OCA2: variants seen among roughly 807,000 people sequenced by gnomAD.
The protein encoded by OCA2 is OCA2 melanosomal transmembrane protein, also known as P protein.
In OCA2, 77 loss-of-function variants were observed where a neutral mutation model predicts 100.2. The observed-to-expected ratio is 0.77, with a 90% CI of 0.64 to 0.93. The LOEUF (loss-of-function observed/expected upper bound fraction) is 0.93. Ranked by LOEUF, OCA2 falls within the 40% of genes least tolerant of loss-of-function variation. The probability of loss-of-function intolerance (pLI) is 0.00; values close to 1 mark genes in which losing one functional copy is unlikely to be tolerated. For synonymous variants in OCA2, 432 were observed against 439.2 expected, an observed-to-expected ratio of 0.98 and a Z score of 0.21; for missense variants, 1,062 against 1,089.1, an observed-to-expected ratio of 0.98 and a Z score of 0.35.
At chr15:27,730,674 A>G in the OCA2 span, among the ~76,000 whole-genome samples, 1 of 147,312 alleles carries the variant, frequency 6.8e-6, no homozygotes, top group Non-Finnish European at 1.5e-5. Flanking sequence ...CACTGTTAAC[A>G]CTCTCCAGAT....
chr15:27,835,652 T>C (rs2035120763), intron 23 of OCA2, among the ~76,000 whole-genome samples: 1 of 152,250 alleles, frequency 6.6e-6, no homozygotes, highest in South Asian at 2.1e-4. Context: ...ACCAGGGCCT[T>C]CCCCTTGGCT....
In OCA2 at chr15:27,824,602, C is replaced by CTCTCTCTCTCTCTCTCTCTCTCTA; in HGVS notation, c.2432+20356_2432+20357insTAGAGAGAGAGAGAGAGAGAGAGA. On this transcript the variant is annotated intron_variant, in intron 23 of 23. Coordinates refer to ENST00000354638, the MANE Select transcript of OCA2 (RefSeq NM_000275.3). ...TTTCTCTCTCTCTCTCTCTCTCTCT[C>CTCTCTCTCTCTCTCTCTCTCTCTA]TATATATATATATATATATAATATA... Among the ~76,000 whole-genome samples, 390 of 47,528 alleles carry CTCTCTCTCTCTCTCTCTCTCTCTA rather than the reference C, an allele frequency of 8.2e-3. 6 individuals carry two copies. The highest frequency in any genetic ancestry group is 8.8e-3 in the Non-Finnish European group (281 of 31,758). The allele number at this position is 47,528 out of a possible 152,430, so 31.2% of individuals were successfully genotyped here.
chr15:27,866,100 C>G (rs1459000357), intron 21 of OCA2, among the ~76,000 whole-genome samples: 3 of 152,224 alleles, frequency 2.0e-5, no homozygotes, highest in Non-Finnish European at 2.9e-5. Flanking sequence ...TACCTCCACC[C>G]AGAGGGCAGG....
At chr15:28,082,330 T>G (rs1001775836) in intron 1 of OCA2, among the ~76,000 whole-genome samples, 1 of 152,174 alleles carries the variant, frequency 6.6e-6, no homozygotes, top group South Asian at 2.1e-4. Context: ...TGTGGATACT[T>G]TCGATGTTTT....
intron 18 of OCA2, among the ~76,000 whole-genome samples, chr15:27,933,262 T>C (rs2039322888): frequency 6.6e-6 from 1 of 152,096 alleles, no homozygotes. Context: ...TATATTGGAC[T>C]TGGCAGTGAT....
At chr15:27,974,998 C>T (rs1479264834) in intron 14 of OCA2, among the ~76,000 whole-genome samples, 3 of 152,146 alleles carry the variant, frequency 2.0e-5, no homozygotes, top group Non-Finnish European at 4.4e-5. Context: ...TAAAAAGGCT[C>T]GTCATATGCC....
intron 18 of OCA2, among the ~76,000 whole-genome samples, chr15:27,941,011 A>G (rs537592332): frequency 1.3e-5 from 2 of 152,342 alleles, no homozygotes; most frequent in African/African-American, 2.4e-5. Context: ...CTGCAAAGTT[A>G]GGGATATCCT....
intron 9 of OCA2, among the ~76,000 whole-genome samples, chr15:28,004,488 GACAC>G (rs371729775): frequency 6.6e-6 from 1 of 152,008 alleles, no homozygotes; most frequent in Non-Finnish European, 1.5e-5. Flanking sequence ...CCCACACACA[GACAC>G]ACACACAGTC....
At chr15:28,026,572 CGA>C (rs1396957651) in intron 4 of OCA2, among the ~76,000 whole-genome samples, 2 of 152,184 alleles carry the variant, frequency 1.3e-5, no homozygotes, top group African/African-American at 4.8e-5. Flanking sequence ...TGTCAAGCAG[CGA>C]TGTGGGGGAT....
At chr15:27,784,685 T>C (rs540230999) in intron 23 of OCA2, among the ~76,000 whole-genome samples, 9 of 152,190 alleles carry the variant, frequency 5.9e-5, no homozygotes, top group Non-Finnish European at 1.0e-4. Flanking sequence ...ATGAAAACCA[T>C]ATTAACAAAA....
At chr15:27,784,283 G>T (rs2032695463) in intron 23 of OCA2, among the ~76,000 whole-genome samples, 1 of 152,152 alleles carries the variant, frequency 6.6e-6, no homozygotes, top group Admixed American at 6.5e-5. Flanking sequence ...ACCACGAGAG[G>T]AATCTGAAGG....
At chr15:27,973,885 T>C (rs1001142467) in intron 14 of OCA2, among the ~76,000 whole-genome samples, 3 of 152,206 alleles carry the variant, frequency 2.0e-5, no homozygotes, top group African/African-American at 7.2e-5. Context: ...GCTCTCCTTT[T>C]AGACATCTTT....
At chr15:28,057,046 A>G (rs925446240) in intron 2 of OCA2, among the ~76,000 whole-genome samples, 17 of 152,224 alleles carry the variant, frequency 1.1e-4, no homozygotes, top group African/African-American at 3.4e-4. Flanking sequence ...AGCATGCTTT[A>G]GGTTTGTATT....
chr15:28,070,325 C>G (rs2044201286), intron 2 of OCA2, among the ~76,000 whole-genome samples: 2 of 142,982 alleles, frequency 1.4e-5, no homozygotes, highest in East Asian at 2.2e-4. Flanking sequence ...GGGGGTCAGC[C>G]CCCCGCCCGG....
intron 23 of OCA2, among the ~76,000 whole-genome samples, chr15:27,765,417 AG>A (rs2031179227): frequency 6.6e-6 from 1 of 152,206 alleles, no homozygotes; most frequent in African/African-American, 2.4e-5. Context: ...TGGGGTCTGA[AG>A]GAACTCCCTA....
chr15:27,784,152 G>A (rs112142529), intron 23 of OCA2, among the ~76,000 whole-genome samples: 14 of 152,336 alleles, frequency 9.2e-5, no homozygotes, highest in Non-Finnish European at 1.5e-4. Flanking sequence ...TAGGGTGAAC[G>A]GCAGGAGCAT....
intron 18 of OCA2, among the ~76,000 whole-genome samples, chr15:27,927,983 G>T (rs2039107599): frequency 1.3e-5 from 2 of 151,602 alleles, no homozygotes; most frequent in Non-Finnish European, 2.9e-5. Context: ...GTAGAGATGG[G>T]GTTTCACCAT....
intron 19 of OCA2, among the ~76,000 whole-genome samples, chr15:27,903,091 C>G (rs4778130): frequency 6.6e-6 from 1 of 152,062 alleles, no homozygotes; most frequent in Non-Finnish European, 1.5e-5. Context: ...AGAGAAGCCC[C>G]GAGATCTGCG....
rs148613860 is a variant in OCA2, at chr15:28,048,075, C to T, written c.228-15912G>A. Among the ~76,000 whole-genome samples, 55 of 152,192 alleles carry T rather than the reference C, an allele frequency of 3.6e-4. No homozygotes were observed. In the East Asian group the frequency reaches 9.5e-3, roughly 26 times the overall value. ...ATAAATTTAACAAAGAGGTAAAAGA[C>T]GTGTACACTAAAAACTGTAAAACAT... On this transcript the variant is annotated intron_variant, in intron 2 of 23. Coordinates refer to ENST00000354638, the MANE Select transcript of OCA2 (RefSeq NM_000275.3).
Sources: allele counts gnomAD v4.1 joint callset (sites outside exome capture counted in the v4.1 genomes callset), GRCh38; gene constraint gnomAD v4.1.1; transcripts MANE v1.5; gene names NCBI Gene and HGNC (gene_info 2026-07-23, HGNC 2026-07-21).